Variants in CHID1 observed in about 807,000 individuals in gnomAD.
The protein encoded by CHID1 is chitinase domain-containing protein 1.
A neutral mutation model predicts 55.4 loss-of-function variants in CHID1; 44 were observed. That is an observed-to-expected ratio of 0.79 (90% CI 0.62 to 1.02). The LOEUF is 1.02. Ranked by LOEUF, CHID1 falls within the 50% of genes least tolerant of loss-of-function variation. CHID1 has a pLI of 0.00. For missense variants in CHID1, 491 were observed against 515.3 expected, an observed-to-expected ratio of 0.95 and a Z score of 0.46; for synonymous variants, 216 against 212.9, an observed-to-expected ratio of 1.01 and a Z score of -0.13.
chr11:869,678 C>T lies in CHID1; in HGVS notation c.*180G>A, dbSNP rs1756802071. The T allele has an allele frequency of 3.2e-6, 2 of 622,370 alleles. No individual in the cohort carries two copies. Among genetic ancestry groups the T allele is most frequent in the African/African-American group, 1.8e-5 (1 of 54,346 alleles). 38.6% of individuals were successfully genotyped at this position (622,370 alleles called of 1,614,324 possible). On this transcript the variant is annotated 3_prime_UTR_variant, in exon 13 of 13. Transcript: ENST00000323578. Reference sequence around the variant, plus strand: ...CTCTCAGGGTGTCCCCCAGCTAGGACTCATCCAGGGCAGGGACCCCTCATG... The same window carrying T: ...CTCTCAGGGTGTCCCCCAGCTAGGATTCATCCAGGGCAGGGACCCCTCATG...
At chr11:909,060 T>C (rs1333511182) in intron 1 of CHID1, among the ~76,000 whole-genome samples, 3 of 152,236 alleles carry the variant, frequency 2.0e-5, no homozygotes, top group African/African-American at 7.2e-5. Context: ...GGGCTGCTTC[T>C]TTGACTTGCC....
chr11:904,915 C>A, intron 1 of CHID1, 56 bp from the exon 2 acceptor site: 1 of 1,572,996 alleles, frequency 6.4e-7, no homozygotes, highest in South Asian at 1.1e-5. Flanking sequence ...AGCACATGGG[C>A]AACCCCTCTG....
At position 868,558 on chromosome 11, in the gene CHID1, G is replaced by T. The variant is rs1291768912; in HGVS notation, c.*1300C>A. 1 of 152,164 alleles carries T rather than the reference G, an allele frequency of 6.6e-6. No individual in the cohort carries two copies. The highest frequency in any genetic ancestry group is 1.5e-5 in the Non-Finnish European group (1 of 68,046). The allele number at this position is 152,164 out of a possible 1,614,324, so 9.4% of individuals were successfully genotyped here. On this transcript the variant is annotated 3_prime_UTR_variant, in exon 13 of 13. Coordinates refer to ENST00000323578, the MANE Select transcript of CHID1 (RefSeq NM_023947.4). ...GTGTCAAGCAGCAGCAGGGCGGTGGGAACGGCTGCACCTGCACTGTGGCAG... is the reference window on the plus strand; with the variant it reads ...GTGTCAAGCAGCAGCAGGGCGGTGGTAACGGCTGCACCTGCACTGTGGCAG...
upstream of CHID1, chr11:910,859 G>T (rs1184367628): frequency 1.3e-5 from 14 of 1,083,626 alleles, no homozygotes; most frequent in Non-Finnish European, 1.4e-5. Context: ...AGGCGCCCGC[G>T]CGCCGCCGCC....
At chr11:871,270 C>T (rs896027323) in intron 10 of CHID1, among the ~76,000 whole-genome samples, 2 of 152,116 alleles carry the variant, frequency 1.3e-5, no homozygotes, top group South Asian at 2.1e-4. Context: ...GAATTACAGG[C>T]GTGAGCCACC....
upstream of CHID1, chr11:914,606 C>T (rs999992289): frequency 7.8e-6 from 10 of 1,279,688 alleles, no homozygotes; most frequent in South Asian, 2.5e-5. Flanking sequence ...TGGTGGCTCA[C>T]GCCGTAATCC....
At position 900,041 on chromosome 11, in the gene CHID1, A is replaced by G. The variant is rs1189876604; in HGVS notation, c.509T>C (p.Ile170Thr). 3.1e-6 allele frequency: 5 copies of G among 1,614,054 alleles called. No homozygotes were observed. Among genetic ancestry groups the G allele is most frequent in the Admixed American group, 1.7e-5 (1 of 60,018 alleles). The change falls in exon 6 of 13, where the codon ATA (isoleucine) becomes ACA (threonine). Residue 170 changes from isoleucine to threonine, a missense_variant. Transcript: ENST00000323578. ...FRNVLDSEDEIEELSKTVVQV... is the reference protein window; with the variant it reads ...FRNVLDSEDETEELSKTVVQV... ...GACCACGGTCTTGCTCAGCTCCTCT[A>G]TCTCATCCTCACTGTCTAAGACGTT...
At chr11:910,653 G>T (rs1054868471) in intron 1 of CHID1, 122 bp downstream of exon 1, 5 of 1,267,642 alleles carry the variant, frequency 3.9e-6, no homozygotes, top group Non-Finnish European at 5.1e-6. Flanking sequence ...GCCCGGCGTC[G>T]CCCGCGACCC....
intron 7 of CHID1, among the ~76,000 whole-genome samples, chr11:895,453 G>A (rs560896770): frequency 2.0e-5 from 3 of 152,142 alleles, no homozygotes; most frequent in Admixed American, 6.5e-5. Flanking sequence ...CGGAGGCGAC[G>A]TGAGCTGCAG....
At position 869,626 on chromosome 11, in the gene CHID1, C is replaced by T. The variant is rs1290653218; in HGVS notation, c.*232G>A. ...TGCCCAGCTGACAGGAGGCAGCCAG[C>T]GGATGCCCGGGTGGGAGGGGCTCGA... On this transcript the variant is annotated 3_prime_UTR_variant, in exon 13 of 13. Coordinates refer to ENST00000323578, the MANE Select transcript of CHID1 (RefSeq NM_023947.4). 1.7e-5 allele frequency: 10 copies of T among 582,794 alleles called. No homozygotes were observed. Among genetic ancestry groups the T allele is most frequent in the South Asian group, 4.1e-5 (2 of 48,442 alleles). 36.1% of individuals were successfully genotyped at this position (582,794 alleles called of 1,614,324 possible). A position where few individuals can be genotyped will look rare whatever the true frequency, so the allele number is the denominator to read the frequency against.
rs1446716563 is a variant in CHID1, at chr11:875,721, A to C, written c.960-5222T>G. Among the ~76,000 whole-genome samples the C allele has an allele frequency of 1.3e-5, 2 of 152,102 alleles. No homozygotes were observed. The highest frequency in any genetic ancestry group is 2.9e-5 in the Non-Finnish European group (2 of 68,024). On this transcript the variant is annotated intron_variant, in intron 10 of 12. Transcript: ENST00000323578. This position sits in a 1 kb window ranked among gnomAD's most constrained non-coding sequence, Gnocchi z 4.7. ...TGAAGATTCTCACAGTAAAAGATTCACAAGACAGAGGAGGAAAACGCCTAG... is the reference window on the plus strand; with the variant it reads ...TGAAGATTCTCACAGTAAAAGATTCCCAAGACAGAGGAGGAAAACGCCTAG...
chr11:906,299 C>T (rs1037238029), intron 1 of CHID1, among the ~76,000 whole-genome samples: 8 of 148,976 alleles, frequency 5.4e-5, no homozygotes, highest in African/African-American at 1.3e-4. Context: ...AGTGCTGTGG[C>T]GCCATCTTGG....
chr11:912,166 A>G (rs1459173485), upstream of CHID1, among the ~76,000 whole-genome samples: 2 of 152,200 alleles, frequency 1.3e-5, no homozygotes, highest in Non-Finnish European at 2.9e-5. Context: ...TACTAAAAAT[A>G]CAGAAATTAG....
At chr11:902,165 G>A (rs1350047632) in intron 4 of CHID1, 33 bp downstream of exon 4, 1 of 1,611,422 alleles carries the variant, frequency 6.2e-7, no homozygotes, top group Admixed American at 1.7e-5. Context: ...TCAGCCTGTG[G>A]GGCAAGCACA....
rs540542848 is a variant in CHID1, at chr11:873,023, C to T, written c.960-2524G>A. Among the ~76,000 whole-genome samples, 5 of 152,276 alleles carry T rather than the reference C, an allele frequency of 3.3e-5. 1 individual carries two copies. In the South Asian group the frequency reaches 6.2e-4, roughly 19 times the overall value. ...GCTGTGGGGGCAGCCATGACCAGGG[C>T]GCTGTCAGGGACCCCAACCCCAGGA... On this transcript the variant is annotated intron_variant, in intron 10 of 12. Coordinates refer to ENST00000323578, the MANE Select transcript of CHID1 (RefSeq NM_023947.4).
chr11:877,537 C>T (rs1370608187), intron 10 of CHID1, among the ~76,000 whole-genome samples: 4 of 152,218 alleles, frequency 2.6e-5, no homozygotes, highest in East Asian at 1.9e-4. Flanking sequence ...TGAGCTGTTG[C>T]GCCAAGCCAC....
intron 7 of CHID1, among the ~76,000 whole-genome samples, chr11:896,288 C>G: frequency 2.1e-5 from 3 of 140,380 alleles, no homozygotes; most frequent in Non-Finnish European, 3.1e-5. Flanking sequence ...CCAGCCTCCA[C>G]CCCAGACACA....
chr11:880,549 T>C (rs1849840618), intron 10 of CHID1, among the ~76,000 whole-genome samples: 2 of 152,100 alleles, frequency 1.3e-5, no homozygotes, highest in African/African-American at 2.4e-5. Flanking sequence ...ATGGAGGGGC[T>C]CACGGAGGGC....
chr11:896,738 C>G (rs1438923510), intron 7 of CHID1, among the ~76,000 whole-genome samples: 2 of 141,048 alleles, frequency 1.4e-5, no homozygotes, highest in African/African-American at 5.4e-5. Flanking sequence ...GAGGCTGTCT[C>G]AGCACCCCTA....
Sources: gnomAD v4.1 joint callset for allele counts (sites outside exome capture counted in the v4.1 genomes callset) on GRCh38, gnomAD v4.1.1 for gene constraint, Gnocchi (gnomAD v3.1) non-coding constraint, MANE v1.5 for transcripts, NCBI Gene and HGNC (gene_info 2026-07-23, HGNC 2026-07-21) for gene names.